The following PACRGL variants were observed in gnomAD, a reference collection of about 807,000 sequenced individuals.
PACRGL encodes the protein PACRG-like protein.
PACRGL carries 38 observed loss-of-function variants against 34.5 expected under a neutral mutation model. The observed-to-expected ratio is 1.10, with a 90% confidence interval of 0.85 to 1.44. The LOEUF (loss-of-function observed/expected upper bound fraction) is 1.44, where lower values mean the gene tolerates loss of function less well. PACRGL is among the 40% of genes most tolerant of loss of function. PACRGL has a pLI of 0.00. For missense variants in PACRGL, 305 were observed against 281.4 expected, an observed-to-expected ratio of 1.08 and a Z score of -0.60; for synonymous variants, 128 against 100.1, an observed-to-expected ratio of 1.28 and a Z score of -1.66.
intron 7 of PACRGL, among the ~76,000 whole-genome samples, chr4:20,718,554 T>G (rs2149144856): frequency 6.6e-6 from 1 of 152,354 alleles, no homozygotes; most frequent in Middle Eastern, 3.4e-3. Context: ...TTGCTGATTT[T>G]GACAAAGTCC....
chr4:20,727,600 A>G lies in PACRGL; in HGVS notation c.*259A>G, dbSNP rs1746314828. ...TTTATTATTTGTGCGAAGAACCATT[A>G]TTGAGTTTGCAAGATAAGATGTATT... On this transcript the variant is annotated 3_prime_UTR_variant, in exon 9 of 9. Coordinates refer to ENST00000503585, the MANE Select transcript of PACRGL (RefSeq NM_001258345.3). 1 of 342,392 alleles carries G rather than the reference A, an allele frequency of 2.9e-6. No individual in the cohort carries two copies. The highest frequency in any genetic ancestry group is 4.3e-5 in the Admixed American group (1 of 23,298). 21.2% of individuals were successfully genotyped at this position (342,392 alleles called of 1,614,324 possible).
At chr4:20,753,659 C>T (rs950634909), downstream of PACRGL, among the ~76,000 whole-genome samples, 5 of 152,162 alleles carry the variant, frequency 3.3e-5, no homozygotes, top group African/African-American at 1.2e-4. Flanking sequence ...CAATTCATGA[C>T]ATCGTTACTA....
chr4:20,736,305 C>A (rs930012728), downstream of PACRGL, among the ~76,000 whole-genome samples: 2 of 152,078 alleles, frequency 1.3e-5, no homozygotes, highest in Non-Finnish European at 2.9e-5. Context: ...GTAAATACAT[C>A]GTAGTTTATT....
chr4:20,707,161 CA>C (rs1734874479), intron 3 of PACRGL, among the ~76,000 whole-genome samples: 1 of 152,074 alleles, frequency 6.6e-6, no homozygotes, highest in African/African-American at 2.4e-5. Flanking sequence ...AGTCTCTTAT[CA>C]ATTATATTGA....
In PACRGL at chr4:20,732,005, C is replaced by A; in HGVS notation, c.*4664C>A. 1 of 1,613,402 alleles carries A rather than the reference C, an allele frequency of 6.2e-7. No homozygotes were observed. The highest frequency in any genetic ancestry group is 8.5e-7 in the Non-Finnish European group (1 of 1,179,750). On this transcript the variant is annotated 3_prime_UTR_variant, in exon 9 of 9. Transcript: ENST00000503585. ...ATAGTTATTACACTTTCATTACTTACTTTTTGGCAGCTTTCAATGAACTCA... is the reference window on the plus strand; with the variant it reads ...ATAGTTATTACACTTTCATTACTTAATTTTTGGCAGCTTTCAATGAACTCA...
chr4:20,735,683 C>G (rs111737093), downstream of PACRGL, among the ~76,000 whole-genome samples: 20 of 151,878 alleles, frequency 1.3e-4, no homozygotes, highest in African/African-American at 4.6e-4. Flanking sequence ...ACTACAGGCA[C>G]CCGCCACCAT....
chr4:20,730,037 G>A lies in PACRGL; in HGVS notation c.*2696G>A. 6.3e-7 allele frequency: 1 copy of A among 1,585,486 alleles called. No individual in the cohort carries two copies. The highest frequency in any genetic ancestry group is 8.6e-7 in the Non-Finnish European group (1 of 1,168,124). ...GGTAGCTCCAACTTTAAGGGTGGTA[G>A]AATAGTTCACATTTGTCTGTTGGAT... On this transcript the variant is annotated 3_prime_UTR_variant, in exon 9 of 9. Transcript: ENST00000503585.
chr4:20,702,041 C>T, intron 1 of PACRGL: 1 of 437,408 alleles, frequency 2.3e-6, no homozygotes, highest in Non-Finnish European at 4.6e-6. Flanking sequence ...TACTCATAAA[C>T]TGTAGAAGCT....
At chr4:20,739,782 TAAC>T (rs1238425875) in intron 8 of PACRGL, among the ~76,000 whole-genome samples, 4 of 151,994 alleles carry the variant, frequency 2.6e-5, no homozygotes, top group Non-Finnish European at 5.9e-5. Context: ...AGATCAGTAA[TAAC>T]AAACTTCTCC....
At chr4:20,762,592 T>G in the PACRGL span, among the ~76,000 whole-genome samples, 1 of 152,368 alleles carries the variant, frequency 6.6e-6, no homozygotes, top group Non-Finnish European at 1.5e-5. Flanking sequence ...GTCTCTCTAC[T>G]TCTCTATCAA....
At chr4:20,733,557 C>A (rs1748868485), downstream of PACRGL, among the ~76,000 whole-genome samples, 1 of 152,036 alleles carries the variant, frequency 6.6e-6, no homozygotes, top group Middle Eastern at 3.4e-3. Context: ...ACAGGTGAAA[C>A]CTTTTAAGAT....
At chr4:20,717,250 T>A (rs1251732363) in intron 7 of PACRGL, among the ~76,000 whole-genome samples, 3 of 152,166 alleles carry the variant, frequency 2.0e-5, no homozygotes, top group Admixed American at 2.0e-4. Context: ...GTCAGATGAG[T>A]AGATTGCAAA....
rs530432202 is a variant in PACRGL, at chr4:20,747,581, ACCCAGGATAAACCTGCCTGC to A, written c.*57-4979_*57-4960del. On this transcript the variant is annotated intron_variant, in intron 8 of 8. Coordinates refer to the PACRGL transcript ENST00000507634. ...CTCTCCCTCCACTAACTGCTTCTAC[ACCCAGGATAAACCTGCCTGC>A]CCCATCTTGACTTAGTTCATTCCCT... Among the ~76,000 whole-genome samples, 353 of 152,154 alleles carry A rather than the reference ACCCAGGATAAACCTGCCTGC, an allele frequency of 2.3e-3. 8 individuals carry two copies. The South Asian group carries it at 0.046, about 20-fold the overall frequency.
chr4:20,737,046 A>G (rs1749777312), downstream of PACRGL, among the ~76,000 whole-genome samples: 1 of 152,206 alleles, frequency 6.6e-6, no homozygotes. Context: ...AGACCATTCA[A>G]TAGCTATGGA....
chr4:20,750,499 G>A (rs1332489961), intron 8 of PACRGL, among the ~76,000 whole-genome samples: 1 of 152,144 alleles, frequency 6.6e-6, no homozygotes, highest in Non-Finnish European at 1.5e-5. Context: ...GGTAATGATG[G>A]ACAGGTATGT....
the PACRGL span, among the ~76,000 whole-genome samples, chr4:20,765,433 G>A: frequency 6.6e-6 from 1 of 152,142 alleles, no homozygotes; most frequent in Non-Finnish European, 1.5e-5. Context: ...TCAAAATTGG[G>A]ATCACCGATT....
chr4:20,747,759 C>T (rs1202475252), intron 8 of PACRGL, among the ~76,000 whole-genome samples: 1 of 152,154 alleles, frequency 6.6e-6, no homozygotes, highest in East Asian at 1.9e-4. Flanking sequence ...ACCCAGTCTG[C>T]ATGAGCATGG....
intron 5 of PACRGL, among the ~76,000 whole-genome samples, chr4:20,712,517 A>G (rs947750565): frequency 3.9e-5 from 6 of 152,108 alleles, no homozygotes; most frequent in African/African-American, 1.2e-4. Flanking sequence ...TGCACATACT[A>G]TGCTCTTTTA....
downstream of PACRGL, among the ~76,000 whole-genome samples, chr4:20,736,727 A>G (rs1749719606): frequency 6.6e-6 from 1 of 152,242 alleles, no homozygotes; most frequent in Admixed American, 6.5e-5. Context: ...AAAGAATTAT[A>G]CAACCCTTCC....
Sources: gnomAD v4.1 joint callset for allele counts (sites outside exome capture counted in the v4.1 genomes callset) on GRCh38, gnomAD v4.1.1 for gene constraint, MANE v1.5 for transcripts, NCBI Gene and HGNC (gene_info 2026-07-23, HGNC 2026-07-21) for gene names.